Variants in MALRD1 observed in about 807,000 individuals in gnomAD.
MALRD1 encodes the protein MAM and LDL receptor class A domain containing 1.
Under a neutral mutation model 242.1 loss-of-function variants are expected in MALRD1, and 247 were observed. The observed-to-expected ratio is 1.02, with a 90% CI of 0.92 to 1.13. The LOEUF is 1.13. Among genes scored for constraint, MALRD1 ranks in the 50% most tolerant of loss-of-function variants. The probability of loss-of-function intolerance (pLI) is 0.00; values close to 1 mark genes in which losing one functional copy is unlikely to be tolerated. For synonymous variants in MALRD1, 995 were observed against 866.6 expected, an observed-to-expected ratio of 1.15 and a Z score of -2.60; for missense variants, 2,989 against 2,533.1, an observed-to-expected ratio of 1.18 and a Z score of -3.86.
chr10:19,596,575 AATAGTAAT>A (rs1480724980), intron 34 of MALRD1, among the ~76,000 whole-genome samples: 1 of 151,794 alleles, frequency 6.6e-6, no homozygotes, highest in Non-Finnish European at 1.5e-5. Flanking sequence ...CAAAAATAGC[AATAGTAAT>A]AACCAGGTGT....
intron 25 of MALRD1, 73 bp downstream of exon 25, chr10:19,348,091 G>A (rs16918539): frequency 0.029 from 43,055 of 1,475,302 alleles, 1,313 homozygotes; most frequent in African/African-American, 0.16. Flanking sequence ...ATTGACATAC[G>A]GAAAACAGAG....
chr10:19,477,480 A>T (rs1204107905), intron 29 of MALRD1, among the ~76,000 whole-genome samples: 2 of 152,140 alleles, frequency 1.3e-5, no homozygotes, highest in Non-Finnish European at 1.5e-5. Context: ...AAATAAATAA[A>T]TAAATAAACA....
intron 15 of MALRD1, among the ~76,000 whole-genome samples, 197 bp downstream of exon 15, chr10:19,204,077 G>A (rs1484128954): frequency 6.6e-6 from 1 of 152,106 alleles, no homozygotes; most frequent in Admixed American, 6.5e-5. Context: ...ATATATTTTT[G>A]GCTGAACTAG....
chr10:19,339,146 G>A (rs1310919461), intron 24 of MALRD1, among the ~76,000 whole-genome samples: 1 of 151,812 alleles, frequency 6.6e-6, no homozygotes, highest in Non-Finnish European at 1.5e-5. Context: ...ACTTAGTTTG[G>A]ACTTTATCCC....
intron 22 of MALRD1, among the ~76,000 whole-genome samples, chr10:19,325,144 T>C (rs951106929): frequency 6.6e-6 from 1 of 151,810 alleles, no homozygotes; most frequent in African/African-American, 2.4e-5. Flanking sequence ...CCTCTATTTG[T>C]TTGCTCATTT....
At chr10:19,230,602 C>T (rs567660661) in intron 18 of MALRD1, among the ~76,000 whole-genome samples, 3 of 152,170 alleles carry the variant, frequency 2.0e-5, no homozygotes, top group Non-Finnish European at 4.4e-5. Flanking sequence ...TTGGGGATCA[C>T]ATTTTAACAT....
chr10:19,428,886 C>T (rs2486051), intron 28 of MALRD1, among the ~76,000 whole-genome samples: 113,499 of 152,110 alleles, frequency 0.75, 43,358 homozygotes, highest in African/African-American at 0.92. Context: ...CTCTGAAGCT[C>T]TTTAAAAAAA....
chr10:19,706,802 A>T (rs961834819), intron 38 of MALRD1, among the ~76,000 whole-genome samples: 2 of 152,134 alleles, frequency 1.3e-5, no homozygotes, highest in Admixed American at 6.5e-5. Flanking sequence ...GCTCCCTGTC[A>T]TCTGAATTTG....
At chr10:19,573,871 G>T (rs1442651110) in intron 33 of MALRD1, among the ~76,000 whole-genome samples, 3 of 152,124 alleles carry the variant, frequency 2.0e-5, no homozygotes, top group African/African-American at 7.2e-5. Context: ...GAAAACTCCA[G>T]TTTGGGAGAT....
intron 5 of MALRD1, among the ~76,000 whole-genome samples, chr10:19,114,269 A>T (rs1012455474): frequency 1.3e-5 from 2 of 152,230 alleles, no homozygotes; most frequent in Admixed American, 1.3e-4. Flanking sequence ...ACATACAGGT[A>T]CTTTTGCCAT....
chr10:19,657,454 C>T (rs570633041), intron 36 of MALRD1, among the ~76,000 whole-genome samples: 47 of 152,022 alleles, frequency 3.1e-4, no homozygotes, highest in Non-Finnish European at 6.3e-4. Flanking sequence ...TATCTGGGGT[C>T]AGGAAACCCA....
At chr10:19,357,492 C>A (rs181934887) in intron 26 of MALRD1, among the ~76,000 whole-genome samples, 1 of 152,124 alleles carries the variant, frequency 6.6e-6, no homozygotes, top group African/African-American at 2.4e-5. Flanking sequence ...AAGCACGTTT[C>A]TTTTATTTGC....
intron 17 of MALRD1, among the ~76,000 whole-genome samples, chr10:19,208,457 T>A (rs1836885862): frequency 6.6e-6 from 1 of 152,080 alleles, no homozygotes; most frequent in South Asian, 2.1e-4. Context: ...AGGTATAGAT[T>A]CTATGAGCAT....
At chr10:19,601,710 A>T (rs889123180) in intron 34 of MALRD1, among the ~76,000 whole-genome samples, 3 of 152,032 alleles carry the variant, frequency 2.0e-5, no homozygotes, top group African/African-American at 7.2e-5. Context: ...AGAGCTCTTT[A>T]TTGAACAGTC....
At chr10:19,284,293 C>T (rs1042460894) in intron 21 of MALRD1, among the ~76,000 whole-genome samples, 26 of 150,710 alleles carry the variant, frequency 1.7e-4, no homozygotes, top group African/African-American at 6.4e-4. Context: ...GGTACATGTG[C>T]ACATTGTGCA....
At chr10:19,212,670 C>A (rs1322963396) in intron 18 of MALRD1, among the ~76,000 whole-genome samples, 1 of 124,360 alleles carries the variant, frequency 8.0e-6, no homozygotes, top group Non-Finnish European at 1.7e-5. Flanking sequence ...GACTCTTAAA[C>A]TGTTTTTCAA....
intron 38 of MALRD1, among the ~76,000 whole-genome samples, chr10:19,716,622 G>A (rs562396373): frequency 2.0e-4 from 31 of 152,292 alleles, no homozygotes; most frequent in African/African-American, 7.2e-4. Flanking sequence ...TACAGAAGGT[G>A]TATTTTACTA....
intron 12 of MALRD1, among the ~76,000 whole-genome samples, chr10:19,155,867 TAAACAATGTTTGTATC>T (rs1327066527): frequency 6.6e-6 from 1 of 152,160 alleles, no homozygotes; most frequent in African/African-American, 2.4e-5. Context: ...ACATAGTAGG[TAAACAATGTTTGTATC>T]AAACATTGGT....
intron 26 of MALRD1, among the ~76,000 whole-genome samples, chr10:19,373,145 T>G (rs1845451954): frequency 2.7e-5 from 2 of 75,298 alleles, no homozygotes; most frequent in Admixed American, 2.4e-4. Flanking sequence ...AAAATAAAAG[T>G]TGCTCTCATT....
Sources: gnomAD v4.1 joint callset for allele counts (sites outside exome capture counted in the v4.1 genomes callset) on GRCh38, gnomAD v4.1.1 for gene constraint, MANE v1.5 for transcripts, NCBI Gene and HGNC (gene_info 2026-07-23, HGNC 2026-07-21) for gene names.